Variants in CCDC190 observed in about 807,000 individuals in gnomAD.
The protein encoded by CCDC190 is coiled-coil domain containing 190.
CCDC190 carries 10 observed loss-of-function variants against 13.1 expected under a neutral mutation model. That is an observed-to-expected ratio of 0.77 (90% confidence interval 0.47 to 1.30). The LOEUF (loss-of-function observed/expected upper bound fraction) is 1.30. Ranked by LOEUF, CCDC190 falls within the 50% of genes most tolerant of loss-of-function variation. The pLI is 0.00. For synonymous variants in CCDC190, 136 were observed against 127.2 expected (o/e 1.07, Z -0.47); for missense variants, 375 against 354.3 (o/e 1.06, Z -0.47).
At chr1:162,862,335 AG>A (rs1474634274), upstream of CCDC190, among the ~76,000 whole-genome samples, 1 of 152,218 alleles carries the variant, frequency 6.6e-6, no homozygotes, top group Non-Finnish European at 1.5e-5. Context: ...AAGGAGCCTT[AG>A]TGTGGAGTGC....
At chr1:162,859,814 A>G (rs1271881716) in intron 1 of CCDC190, 156 bp from the exon 2 acceptor site, 2 of 618,132 alleles carry the variant, frequency 3.2e-6, no homozygotes, top group African/African-American at 3.7e-5. Context: ...GAGTTTCCAG[A>G]GTAACACAGA....
chr1:162,854,661 A>C lies in CCDC190; in HGVS notation c.*104T>G. ...GGAGTTTAAAATAAAATTGTAATTC[A>C]ATTATGTTTGTTTGTTTTTCTCTGT... On this transcript the variant is annotated 3_prime_UTR_variant, in exon 4 of 4. Transcript: ENST00000367912. The C allele has an allele frequency of 6.9e-7, 1 of 1,447,702 alleles. No individual in the cohort carries two copies. The highest frequency in any genetic ancestry group is 9.1e-7 in the Non-Finnish European group (1 of 1,102,294). 89.7% of individuals were successfully genotyped at this position (1,447,702 alleles called of 1,614,324 possible). A position where few individuals can be genotyped will look rare whatever the true frequency, so the allele number is the denominator to read the frequency against.
chr1:162,855,514 G>A (rs752982716), intron 3 of CCDC190, 118 bp downstream of exon 3: 4 of 1,503,528 alleles, frequency 2.7e-6, no homozygotes, highest in Non-Finnish European at 3.6e-6. Flanking sequence ...AACAATGCAG[G>A]GAAAATGTCT....
In CCDC190 at chr1:162,853,030, A is replaced by G. The variant is rs1203506810; in HGVS notation, c.*1735T>C. On this transcript the variant is annotated 3_prime_UTR_variant, in exon 4 of 4. Coordinates refer to ENST00000367912, the MANE Select transcript of CCDC190 (RefSeq NM_001394065.1). ...CAAATAAATTAAGTTTTTGTGAATCAATCAGTTCTGTCACTTATGGCCTGC... is the reference window on the plus strand; with the variant it reads ...CAAATAAATTAAGTTTTTGTGAATCGATCAGTTCTGTCACTTATGGCCTGC... 1.4e-5 allele frequency: 17 copies of G among 1,232,868 alleles called. No homozygotes were observed. The highest frequency in any genetic ancestry group is 1.9e-5 in the Non-Finnish European group (16 of 859,540). 76.4% of individuals were successfully genotyped at this position (1,232,868 alleles called of 1,614,324 possible). A position where few individuals can be genotyped will look rare whatever the true frequency, so the allele number is the denominator to read the frequency against.
chr1:162,861,849 G>C (rs575716745), upstream of CCDC190, among the ~76,000 whole-genome samples: 7 of 152,152 alleles, frequency 4.6e-5, no homozygotes, highest in Non-Finnish European at 1.0e-4. Context: ...AGTCTAAATA[G>C]AGCTGCCAAC....
chr1:162,867,501 G>C (rs1011943147), intron 1 of CCDC190, among the ~76,000 whole-genome samples: 1 of 152,068 alleles, frequency 6.6e-6, no homozygotes, highest in Non-Finnish European at 1.5e-5. Context: ...AAAATGGTAT[G>C]ACCATTTTGG....
At position 162,854,814 on chromosome 1, in the gene CCDC190, G is replaced by A; in HGVS notation, c.857C>T (p.Ala286Val). ...FGHGESSSSRAGKECENRVPS... is the reference protein window; with the variant it reads ...FGHGESSSSRVGKECENRVPS... ...CACCCTGTTTTCACACTCCTTTCCT[G>A]CCCTGGATGATGAGGATTCCCCATG... is the stretch of plus-strand genomic sequence containing the variant. The change falls in exon 4 of 4, where the codon GCA becomes GTA. Residue 286 changes from alanine to valine, a missense_variant. By Grantham distance (64) the Ala-to-Val change is moderately conservative (BLOSUM62 0). Transcript: ENST00000367912. 1.2e-6 allele frequency: 2 copies of A among 1,613,832 alleles called. No homozygotes were observed. Among genetic ancestry groups the A allele is most frequent in the East Asian group, 4.5e-5 (2 of 44,876 alleles).
At position 162,853,029 on chromosome 1, in the gene CCDC190, C is replaced by A; in HGVS notation, c.*1736G>T. On this transcript the variant is annotated 3_prime_UTR_variant, in exon 4 of 4. Transcript: ENST00000367912. ...GCAAATAAATTAAGTTTTTGTGAAT[C>A]AATCAGTTCTGTCACTTATGGCCTG... 1 of 1,220,246 alleles carries A rather than the reference C, an allele frequency of 8.2e-7. No individual in the cohort carries two copies. Among genetic ancestry groups the A allele is most frequent in the South Asian group, 1.3e-5 (1 of 75,704 alleles). 75.6% of individuals were successfully genotyped at this position (1,220,246 alleles called of 1,614,324 possible). A position where few individuals can be genotyped will look rare whatever the true frequency, so the allele number is the denominator to read the frequency against.
At position 162,851,455 on chromosome 1, in the gene CCDC190, T is replaced by C. The variant is rs572017678; in HGVS notation, c.*3310A>G. 252 of 152,266 alleles carry C rather than the reference T, an allele frequency of 1.7e-3. No homozygotes were observed. Among genetic ancestry groups the C allele is most frequent in the Admixed American group, 3.5e-3 (53 of 15,286 alleles). The allele number at this position is 152,266 out of a possible 1,614,324, so 9.4% of individuals were successfully genotyped here. A position where few individuals can be genotyped will look rare whatever the true frequency, so the allele number is the denominator to read the frequency against. On this transcript the variant is annotated 3_prime_UTR_variant, in exon 4 of 4. Coordinates refer to ENST00000367912, the MANE Select transcript of CCDC190 (RefSeq NM_001394065.1). ...CAAGCGTGATTCCCTCTGTCCTTCC[T>C]TCAAGGCTCATTTCACCCTGAGAGG...
rs1650191461 is a variant in CCDC190 at position 162,853,812 on chromosome 1, G to C, written c.*953C>G. ...ACGGGGCAAGATGGTTTTCCTGATAGAGTCAGTATAGATAAAAAGTGGTGA... is the reference window on the plus strand; with the variant it reads ...ACGGGGCAAGATGGTTTTCCTGATACAGTCAGTATAGATAAAAAGTGGTGA... On this transcript the variant is annotated 3_prime_UTR_variant, in exon 4 of 4. Transcript: ENST00000367912. 6.6e-6 allele frequency among the ~76,000 whole-genome samples: 1 copy of C among 152,194 alleles called. No homozygotes were observed. Among genetic ancestry groups the C allele is most frequent in the African/African-American group, 2.4e-5 (1 of 41,448 alleles).
At chr1:162,864,495 A>C (rs10917618), upstream of CCDC190, among the ~76,000 whole-genome samples, 122,183 of 151,768 alleles carry the variant, frequency 0.81, 51,436 homozygotes, top group Non-Finnish European at 0.94. Context: ...TTCTTGTTAT[A>C]TAAATCTCTT....
chr1:162,854,896 G>A lies in CCDC190; in HGVS notation c.775C>T (p.Arg259Trp), dbSNP rs760000255. ...LSKARNAHYL[R>W]HRVPPESERL... The stretch of plus-strand genomic sequence containing the variant: ...TCAGACTCAGGGGGGACCCTGTGCC[G>A]GAGATAATGGGCATTTCTGGCCTTT... The change falls in exon 4 of 4, where the codon CGG becomes TGG. Residue 259 changes from arginine (R) to tryptophan (W), a missense_variant. Physicochemically the swap from Arg to Trp is moderately radical, Grantham distance 101. Coordinates refer to ENST00000367912, the MANE Select transcript of CCDC190 (RefSeq NM_001394065.1). 2.8e-5 allele frequency: 45 copies of A among 1,613,908 alleles called. No homozygotes were observed. The highest frequency in any genetic ancestry group is 1.1e-4 in the East Asian group (5 of 44,896).
At chr1:162,868,166 T>C (rs530154331) in intron 1 of CCDC190, among the ~76,000 whole-genome samples, 1 of 152,222 alleles carries the variant, frequency 6.6e-6, no homozygotes, top group African/African-American at 2.4e-5. Context: ...TAAATAAAAT[T>C]CTGCAGGATG....
chr1:162,855,019 C>A lies in CCDC190; in HGVS notation c.652G>T (p.Asp218Tyr). ...GGAATTTGTTTTCCAGTGTTCCCAT[C>A]TGGCTTTAGAGCAACATCTTTTGAT... Reference protein sequence around the residue: ...TRSKDVALKPDGNTGKQIPPK... With the variant: ...TRSKDVALKPYGNTGKQIPPK... Residue 218 changes from aspartate (D) to tyrosine (Y), a missense_variant, in exon 4 of 4, where the codon GAT becomes TAT. By Grantham distance (160) the Asp-to-Tyr change is radical. Transcript: ENST00000367912. 1 of 1,614,004 alleles carries A rather than the reference C, an allele frequency of 6.2e-7. No homozygotes were observed. Among genetic ancestry groups the A allele is most frequent in the Non-Finnish European group, 8.5e-7 (1 of 1,179,882 alleles).
chr1:162,853,235 G>C lies in CCDC190; in HGVS notation c.*1530C>G. ...TAGGTGGTAGTGTGGTGTAATGAAA[G>C]AGCATGAGCAAGGAAATTGAGTAGA... On this transcript the variant is annotated 3_prime_UTR_variant, in exon 4 of 4. Transcript: ENST00000367912. The C allele has an allele frequency of 8.3e-7, 1 of 1,210,940 alleles. No homozygotes were observed. Among genetic ancestry groups the C allele is most frequent in the Non-Finnish European group, 1.1e-6 (1 of 881,162 alleles). The allele number at this position is 1,210,940 out of a possible 1,614,324, so 75.0% of individuals were successfully genotyped here. A position where few individuals can be genotyped will look rare whatever the true frequency, so the allele number is the denominator to read the frequency against.
chr1:162,856,413 T>C (rs1157551206), intron 2 of CCDC190, among the ~76,000 whole-genome samples: 1 of 152,218 alleles, frequency 6.6e-6, no homozygotes, highest in Non-Finnish European at 1.5e-5. Flanking sequence ...AACATTTTAC[T>C]TGGCAAGCAC....
At position 162,860,058 on chromosome 1, in the gene CCDC190, G is replaced by A. The variant is rs536111050; in HGVS notation, c.-12-400C>T. 3.3e-5 allele frequency among the ~76,000 whole-genome samples: 5 copies of A among 152,116 alleles called. No individual in the cohort carries two copies. The East Asian group carries it at 9.7e-4, about 29-fold the overall frequency. ...TTTCTTAAAGGCTCCCAAAGAGACT[G>A]CTCAGAGGTCTGGAGAGGATTTAGG... On this transcript the variant is annotated intron_variant, in intron 1 of 3. Transcript: ENST00000367912.
upstream of CCDC190, among the ~76,000 whole-genome samples, chr1:162,865,623 T>C (rs570412217): frequency 6.6e-6 from 1 of 152,320 alleles, no homozygotes; most frequent in East Asian, 1.9e-4. Flanking sequence ...AGGGTTGATT[T>C]GATGTTTAAA....
intron 1 of CCDC190, among the ~76,000 whole-genome samples, chr1:162,867,022 G>T (rs1650732311): frequency 6.6e-6 from 1 of 151,892 alleles, no homozygotes; most frequent in Admixed American, 6.6e-5. Context: ...GAAAATTTTT[G>T]TAAACTTGAG....
Sources: gnomAD v4.1 joint callset for allele counts (sites outside exome capture counted in the v4.1 genomes callset) on GRCh38, gnomAD v4.1.1 for gene constraint, MANE v1.5 for transcripts, NCBI Gene and HGNC (gene_info 2026-07-23, HGNC 2026-07-21) for gene names.